MDH1B: variants seen among roughly 807,000 people sequenced by gnomAD.
MDH1B encodes malate dehydrogenase 1B.
MDH1B carries 60 observed loss-of-function variants against 61.4 expected under a neutral mutation model. The ratio of observed to expected loss-of-function variants is 0.98; its 90% CI spans 0.79 to 1.21. The LOEUF is 1.21. Ranked by LOEUF, MDH1B falls within the 50% of genes most tolerant of loss-of-function variation. MDH1B has a pLI of 0.00. For missense variants in MDH1B, 587 were observed against 632.1 expected, an observed-to-expected ratio of 0.93 and a Z score of 0.76; for synonymous variants, 236 against 218.7, an observed-to-expected ratio of 1.08 and a Z score of -0.70.
At chr2:206,754,414 C>G (rs1429013820) in intron 5 of MDH1B, among the ~76,000 whole-genome samples, 1 of 152,138 alleles carries the variant, frequency 6.6e-6, no homozygotes, top group Non-Finnish European at 1.5e-5. Context: ...CTGATATTTA[C>G]CATTCAAAGA....
intron 9 of MDH1B, among the ~76,000 whole-genome samples, chr2:206,744,898 C>A (rs1688011580): frequency 2.0e-5 from 3 of 151,712 alleles, no homozygotes; most frequent in South Asian, 2.1e-4. Flanking sequence ...GCACTTCAGT[C>A]TGGGCAACAG....
intron 1 of MDH1B, among the ~76,000 whole-genome samples, chr2:206,764,330 A>C (rs1335801157): frequency 6.6e-6 from 1 of 151,958 alleles, no homozygotes; most frequent in East Asian, 1.9e-4. Flanking sequence ...TGGATGGTAG[A>C]TGTCAATTGT....
At chr2:206,748,482 C>G (rs1688248403) in intron 7 of MDH1B, among the ~76,000 whole-genome samples, 1 of 152,194 alleles carries the variant, frequency 6.6e-6, no homozygotes, top group Non-Finnish European at 1.5e-5. Context: ...GGAGAGCAAC[C>G]TTTCCACATT....
chr2:206,749,078 T>C lies in MDH1B; in HGVS notation c.1158A>G (p.Lys386=). 6.2e-7 allele frequency: 1 copy of C among 1,614,108 alleles called. No homozygotes were observed. The highest frequency in any genetic ancestry group is 8.5e-7 in the Non-Finnish European group (1 of 1,179,964). Residue 386 remains lysine, a synonymous_variant, in exon 7 of 12, where the codon AAA becomes AAG. Transcript: ENST00000374412. The part of the protein sequence containing the change: ...LAAHSIATTL[K]YWYHGSPPGE... ...CAGGTGGTGAGCCATGGTACCAGTA[T>C]TTCAGTGTAGTGGCTATACTGTGTG... is the stretch of plus-strand genomic sequence containing the variant.
chr2:206,752,236 T>C (rs1351435819), intron 5 of MDH1B, among the ~76,000 whole-genome samples: 1 of 152,170 alleles, frequency 6.6e-6, no homozygotes, highest in East Asian at 1.9e-4. Flanking sequence ...CTTTTGCCTT[T>C]TCTCTTTTCA....
In MDH1B at chr2:206,745,668, T is replaced by C; in HGVS notation, c.1362A>G (p.Lys454=). Residue 454 remains lysine (K), a synonymous_variant, in exon 9 of 12, where the codon AAA becomes AAG. Coordinates refer to ENST00000374412, the MANE Select transcript of MDH1B (RefSeq NM_001039845.3). ...TRMTSDLIQE[K]LVALGDKIHF... is the part of the protein sequence containing the mutation. Reference sequence around the variant, plus strand: ...GTATCTTGTCTCCAAGTGCAACAAGTTTCTCCTGTTGAAATTTTATAATCA... The same window carrying C: ...GTATCTTGTCTCCAAGTGCAACAAGCTTCTCCTGTTGAAATTTTATAATCA... 1 of 1,609,766 alleles carries C rather than the reference T, an allele frequency of 6.2e-7. No individual in the cohort carries two copies. Among genetic ancestry groups the C allele is most frequent in the Non-Finnish European group, 8.5e-7 (1 of 1,176,836 alleles).
chr2:206,760,333 C>A (rs577607897), intron 2 of MDH1B, among the ~76,000 whole-genome samples: 1 of 152,174 alleles, frequency 6.6e-6, no homozygotes, highest in African/African-American at 2.4e-5. Flanking sequence ...GAGGAGGGAG[C>A]ACAAAAGCTC....
intron 1 of MDH1B, among the ~76,000 whole-genome samples, chr2:206,761,868 CA>C (rs1384576087): frequency 1.3e-5 from 2 of 152,138 alleles, no homozygotes; most frequent in Non-Finnish European, 2.9e-5. Flanking sequence ...GTCTATCAGC[CA>C]CCCTGTCTAG....
At chr2:206,758,537 G>T (rs551968840) in intron 2 of MDH1B, among the ~76,000 whole-genome samples, 2 of 152,032 alleles carry the variant, frequency 1.3e-5, no homozygotes, top group East Asian at 3.9e-4. Context: ...AGGCCGAGGC[G>T]GGGGGAACAT....
rs141728130 is a variant in MDH1B at position 206,756,326 on chromosome 2, C to T, written c.413+572G>A. Among the ~76,000 whole-genome samples, 229 of 151,480 alleles carry T rather than the reference C, an allele frequency of 1.5e-3. 1 individual carries two copies. Among genetic ancestry groups the T allele is most frequent in the African/African-American group, 5.2e-3 (215 of 41,222 alleles). ...GAGTATATATTAGGATACACATGCA[C>T]GTAAGAGCAGGAAAAGTGCAAAAGA... is the stretch of plus-strand genomic sequence containing the variant. On this transcript the variant is annotated intron_variant, in intron 4 of 11. Coordinates refer to ENST00000374412, the MANE Select transcript of MDH1B (RefSeq NM_001039845.3).
intron 4 of MDH1B, 194 bp downstream of exon 4, chr2:206,756,704 T>G: frequency 1.7e-6 from 1 of 584,716 alleles, no homozygotes; most frequent in African/African-American, 1.9e-5. Flanking sequence ...AAAACTCATT[T>G]ATGAGTTATA....
intron 9 of MDH1B, chr2:206,745,241 C>A: frequency 3.0e-6 from 1 of 337,158 alleles, no homozygotes; most frequent in Non-Finnish European, 5.9e-6. Context: ...GGAATTCTTT[C>A]TCAAGCCTTC....
In MDH1B at chr2:206,751,064, C is replaced by A; in HGVS notation, c.922G>T (p.Val308Leu). 4 of 1,590,596 alleles carry A rather than the reference C, an allele frequency of 2.5e-6. No individual in the cohort carries two copies. The highest frequency in any genetic ancestry group is 3.4e-6 in the Non-Finnish European group (4 of 1,164,936). The change falls in exon 6 of 12, where the codon GTG becomes TTG. Residue 308 changes from valine to leucine, a missense_variant. Coordinates refer to ENST00000374412, the MANE Select transcript of MDH1B (RefSeq NM_001039845.3). Reference protein sequence around the residue: ...LKTAPSYIKDVIIWGNISGNN... With the variant: ...LKTAPSYIKDLIIWGNISGNN... ...CCACTGATATTACCCCAAATGATCACGTCTTTAATGTCTGTGAAGAATAGA... is the reference window on the plus strand; with the variant it reads ...CCACTGATATTACCCCAAATGATCAAGTCTTTAATGTCTGTGAAGAATAGA...
chr2:206,765,189 T>A, intron 1 of MDH1B, 61 bp downstream of exon 1: 3 of 1,583,864 alleles, frequency 1.9e-6, no homozygotes, highest in South Asian at 1.1e-5. Flanking sequence ...CGAGCGGCCA[T>A]GGGAGGTGAG....
chr2:206,746,062 T>G (rs1688092512), intron 8 of MDH1B, among the ~76,000 whole-genome samples: 1 of 152,190 alleles, frequency 6.6e-6, no homozygotes, highest in South Asian at 2.1e-4. Flanking sequence ...ACACCTTGAT[T>G]CTTCATTTTT....
intron 2 of MDH1B, 43 bp downstream of exon 2, chr2:206,760,858 T>C (rs1689050785): frequency 1.8e-6 from 2 of 1,111,904 alleles, no homozygotes; most frequent in Non-Finnish European, 2.7e-6. Flanking sequence ...TTAAAACACA[T>C]TTTGTGCATG....
At chr2:206,740,655 C>T (rs1325062402) in intron 10 of MDH1B, among the ~76,000 whole-genome samples, 1 of 151,844 alleles carries the variant, frequency 6.6e-6, no homozygotes, top group Non-Finnish European at 1.5e-5. Flanking sequence ...CCAGATTTTC[C>T]CTGTTAAGGA....
At chr2:206,744,517 TTA>T (rs1335133117) in intron 9 of MDH1B, among the ~76,000 whole-genome samples, 5 of 152,186 alleles carry the variant, frequency 3.3e-5, no homozygotes, top group Non-Finnish European at 7.3e-5. Context: ...CCCCTATTTC[TTA>T]TGAGTGGAGA....
intron 9 of MDH1B, among the ~76,000 whole-genome samples, chr2:206,742,711 AT>A (rs59584383): frequency 0.019 from 1,854 of 97,214 alleles, 11 homozygotes; most frequent in East Asian, 0.035. Context: ...TGATGTCTCT[AT>A]TTTTTTTTTT....
Sources: allele counts gnomAD v4.1 joint callset (sites outside exome capture counted in the v4.1 genomes callset), GRCh38; gene constraint gnomAD v4.1.1; transcripts MANE v1.5; gene names NCBI Gene and HGNC (gene_info 2026-07-23, HGNC 2026-07-21).